Variants in KIRREL1 observed in about 807,000 individuals in gnomAD.
The protein encoded by KIRREL1 is kirre like nephrin family adhesion molecule 1.
Under a neutral mutation model 83.3 loss-of-function variants are expected in KIRREL1, and 25 were observed. The observed-to-expected ratio is 0.30, with a 90% CI of 0.22 to 0.42. KIRREL1 has a LOEUF of 0.42. KIRREL1 is among the 10% of genes least tolerant of loss of function. The pLI, the probability that KIRREL1 is intolerant of heterozygous loss-of-function variation, is 1.00. For synonymous variants in KIRREL1, 388 were observed against 410.4 expected, an observed-to-expected ratio of 0.95 and a Z score of 0.66; for missense variants, 812 against 1,032.3, an observed-to-expected ratio of 0.79 and a Z score of 2.92.
intron 1 of KIRREL1, among the ~76,000 whole-genome samples, chr1:157,999,544 A>C (rs1401684327): frequency 6.6e-6 from 1 of 152,166 alleles, no homozygotes; most frequent in Non-Finnish European, 1.5e-5. Flanking sequence ...CAAATTCCTT[A>C]ATCTCCCCAA....
rs373385439 is a variant in KIRREL1, at chr1:158,094,473, G to A, written c.1797+83G>A. On this transcript the variant is annotated intron_variant, in intron 14 of 14. Coordinates refer to ENST00000359209, the MANE Select transcript of KIRREL1 (RefSeq NM_018240.7). This position sits in a 1 kb window ranked among gnomAD's most constrained non-coding sequence, Gnocchi z 4.6. ...GTCCTGTAGCGGGGAGGTGAGGTGA[G>A]GACAGACTTGGGGAGGAGTGGTTGG... The A allele has an allele frequency of 5.1e-5, 73 of 1,424,024 alleles. No homozygotes were observed. In the East Asian group the frequency reaches 8.9e-4, roughly 17 times the overall value. The allele number at this position is 1,424,024 out of a possible 1,614,324, so 88.2% of individuals were successfully genotyped here.
chr1:158,006,071 G>T (rs1659511198), intron 1 of KIRREL1, among the ~76,000 whole-genome samples: 1 of 152,218 alleles, frequency 6.6e-6, no homozygotes, highest in African/African-American at 2.4e-5. Flanking sequence ...CACAGGCAAA[G>T]TACAGATGGG....
At chr1:158,007,383 A>T (rs761122982) in intron 1 of KIRREL1, among the ~76,000 whole-genome samples, 1 of 151,970 alleles carries the variant, frequency 6.6e-6, no homozygotes, top group African/African-American at 2.4e-5. Context: ...AGAAGTGAAG[A>T]CGATTCTTAT....
intron 1 of KIRREL1, among the ~76,000 whole-genome samples, chr1:158,037,606 G>C (rs933313698): frequency 6.6e-6 from 1 of 151,634 alleles, no homozygotes; most frequent in Non-Finnish European, 1.5e-5. Context: ...GCTTATATAC[G>C]TGTTCAATAA....
In KIRREL1 at chr1:158,094,378, G is replaced by A. The variant is rs766324790; in HGVS notation, c.1785G>A (p.Glu595=). The part of the protein sequence containing the change: ...LRCDTIDTRE[E]YEMKDPTNGY... ...GCGACACCATCGACACCCGGGAGGA[G>A]TATGAGATGAAGGTGGGAAAGGGGG... The change falls in exon 14 of 15, where the codon GAG becomes GAA. Residue 595 remains glutamate (E), a synonymous_variant. Coordinates refer to ENST00000359209, the MANE Select transcript of KIRREL1 (RefSeq NM_018240.7). This position sits in a 1 kb window ranked among gnomAD's most constrained non-coding sequence, Gnocchi z 4.6. 2.4e-5 allele frequency: 38 copies of A among 1,612,792 alleles called. No individual in the cohort carries two copies. The highest frequency in any genetic ancestry group is 4.2e-6 in the Non-Finnish European group (5 of 1,179,656).
intron 1 of KIRREL1, among the ~76,000 whole-genome samples, chr1:157,994,531 G>A (rs1400201999): frequency 6.6e-6 from 1 of 151,960 alleles, no homozygotes; most frequent in Non-Finnish European, 1.5e-5. Context: ...GGTTGGGAGA[G>A]ATGAGGATGT....
chr1:158,061,098 A>G (rs915472513), intron 1 of KIRREL1, among the ~76,000 whole-genome samples: 3 of 147,650 alleles, frequency 2.0e-5, no homozygotes, highest in African/African-American at 7.5e-5. Context: ...CCCCCCTGAG[A>G]ACCTAACCCC....
At chr1:158,022,104 G>A (rs1321375101) in intron 1 of KIRREL1, among the ~76,000 whole-genome samples, 1 of 152,102 alleles carries the variant, frequency 6.6e-6, no homozygotes, top group Non-Finnish European at 1.5e-5. Flanking sequence ...CTAGTAGGCA[G>A]CTATTTTGGG....
At chr1:158,071,793 C>T (rs781266575) in intron 1 of KIRREL1, among the ~76,000 whole-genome samples, 17 of 152,058 alleles carry the variant, frequency 1.1e-4, no homozygotes, top group Non-Finnish European at 1.8e-4. Context: ...GGATGGTGGA[C>T]GGCCAGGCAA....
chr1:158,072,414 G>A (rs1161829238), intron 1 of KIRREL1, among the ~76,000 whole-genome samples: 1 of 152,178 alleles, frequency 6.6e-6, no homozygotes, highest in Admixed American at 6.5e-5. Flanking sequence ...TTGACTATAA[G>A]TGGCACAGTC....
chr1:158,041,285 C>T (rs1487686536), intron 1 of KIRREL1, among the ~76,000 whole-genome samples: 3 of 152,210 alleles, frequency 2.0e-5, no homozygotes, highest in Non-Finnish European at 4.4e-5. Context: ...GCATACATCT[C>T]ACAACTCCCG....
At chr1:158,071,298 G>T (rs1661507776) in intron 1 of KIRREL1, among the ~76,000 whole-genome samples, 1 of 152,138 alleles carries the variant, frequency 6.6e-6, no homozygotes, top group African/African-American at 2.4e-5. Flanking sequence ...GTCTGTCTTT[G>T]TCTCTGTTTC....
intron 1 of KIRREL1, among the ~76,000 whole-genome samples, chr1:158,044,674 T>C (rs1291354292): frequency 6.6e-6 from 1 of 152,084 alleles, no homozygotes; most frequent in Non-Finnish European, 1.5e-5. Flanking sequence ...AATTTTCGCA[T>C]TTTTAGTAGA....
At chr1:158,069,810 T>TA (rs1661461469) in intron 1 of KIRREL1, among the ~76,000 whole-genome samples, 1 of 152,232 alleles carries the variant, frequency 6.6e-6, no homozygotes, top group African/African-American at 2.4e-5. Context: ...TAGCTTTTTT[T>TA]ATTAAGGATA....
intron 5 of KIRREL1, 88 bp downstream of exon 5, chr1:158,086,834 A>G: frequency 8.1e-7 from 1 of 1,232,860 alleles, no homozygotes; most frequent in East Asian, 2.5e-5. Flanking sequence ...AGAAACACAA[A>G]CTAAGAGTCC....
chr1:158,082,879 T>C (rs971453139), intron 3 of KIRREL1, among the ~76,000 whole-genome samples: 1 of 151,978 alleles, frequency 6.6e-6, no homozygotes, highest in African/African-American at 2.4e-5. Context: ...GGTGGGAGGA[T>C]TGCTTGAGCC....
intron 1 of KIRREL1, 154 bp downstream of exon 1, chr1:157,993,882 C>T (rs980894329): frequency 6.4e-6 from 3 of 469,714 alleles, no homozygotes; most frequent in Non-Finnish European, 1.1e-5. Context: ...GCGCAGAGCC[C>T]TGGGGGAGGG....
Position 158,094,516 on chromosome 1 carries a change from C to A in KIRREL1, c.1797+126C>A. 7.9e-7 allele frequency: 1 copy of A among 1,266,452 alleles called. No individual in the cohort carries two copies. Among genetic ancestry groups the A allele is most frequent in the Non-Finnish European group, 1.2e-6 (1 of 868,774 alleles). The allele number at this position is 1,266,452 out of a possible 1,614,324, so 78.5% of individuals were successfully genotyped here. ...GTGGTTGGGAGGGTTTTTGAAGGAGCAGAGGAGGTGGAATGCTAGATGGGG... is the reference window on the plus strand; with the variant it reads ...GTGGTTGGGAGGGTTTTTGAAGGAGAAGAGGAGGTGGAATGCTAGATGGGG... On this transcript the variant is annotated intron_variant, in intron 14 of 14. Transcript: ENST00000359209. This position sits in a 1 kb window ranked among gnomAD's most constrained non-coding sequence, Gnocchi z 4.6.
At chr1:158,068,224 T>G (rs527892866) in intron 1 of KIRREL1, among the ~76,000 whole-genome samples, 1 of 152,342 alleles carries the variant, frequency 6.6e-6, no homozygotes, top group East Asian at 1.9e-4. Context: ...ATAATAGTCC[T>G]TAAATGTTTA....
Sources: allele counts gnomAD v4.1 joint callset (sites outside exome capture counted in the v4.1 genomes callset), GRCh38; gene constraint gnomAD v4.1.1; non-coding constraint Gnocchi (gnomAD v3.1); transcripts MANE v1.5; gene names NCBI Gene and HGNC (gene_info 2026-07-23, HGNC 2026-07-21).